The following ARB2A variants were observed in gnomAD, a reference collection of about 807,000 sequenced individuals.
The protein encoded by ARB2A is ARB2 cotranscriptional regulator A.
At chr5:93,896,107 T>A in the ARB2A span, among the ~76,000 whole-genome samples, 1 of 152,082 alleles carries the variant, frequency 6.6e-6, no homozygotes, top group Non-Finnish European at 1.5e-5. Flanking sequence ...AAGAAATCTA[T>A]GTCTAAGAAA....
chr5:94,050,654 C>A, the ARB2A span: 1 of 1,061,834 alleles, frequency 9.4e-7, no homozygotes, highest in Non-Finnish European at 1.4e-6. Context: ...AGTGCATAAA[C>A]TGCTGCATCT....
the ARB2A span, among the ~76,000 whole-genome samples, chr5:94,092,671 T>C: frequency 6.6e-6 from 1 of 152,232 alleles, no homozygotes; most frequent in South Asian, 2.1e-4. Context: ...ATATGGATTC[T>C]GTCCTAGATT....
the ARB2A span, among the ~76,000 whole-genome samples, chr5:93,856,860 G>A: frequency 2.0e-5 from 3 of 152,070 alleles, no homozygotes; most frequent in African/African-American, 7.2e-5. Context: ...GAGGTGCTCT[G>A]CTTTTTAGAG....
chr5:93,967,688 C>G, the ARB2A span, among the ~76,000 whole-genome samples: 168 of 152,150 alleles, frequency 1.1e-3, no homozygotes, highest in African/African-American at 3.9e-3. Flanking sequence ...AACTCTCCTG[C>G]AGGGGAAGGG....
At chr5:93,908,188 G>A in the ARB2A span, among the ~76,000 whole-genome samples, 1 of 150,902 alleles carries the variant, frequency 6.6e-6, no homozygotes, top group Non-Finnish European at 1.5e-5. Context: ...CTTTTAAATT[G>A]CATAAGAAAA....
the ARB2A span, among the ~76,000 whole-genome samples, chr5:93,951,847 A>C: frequency 6.6e-6 from 1 of 152,222 alleles, no homozygotes; most frequent in African/African-American, 2.4e-5. Flanking sequence ...GTACATACAA[A>C]AATTAAAAGA....
At chr5:93,921,571 C>G in the ARB2A span, among the ~76,000 whole-genome samples, 15 of 151,128 alleles carry the variant, frequency 9.9e-5, no homozygotes, top group Admixed American at 6.6e-4. Flanking sequence ...TTAATGCAGA[C>G]AAAAGTGCCC....
At chr5:93,914,412 G>A in the ARB2A span, among the ~76,000 whole-genome samples, 1 of 151,870 alleles carries the variant, frequency 6.6e-6, no homozygotes, top group Non-Finnish European at 1.5e-5. Flanking sequence ...GTTATATGCA[G>A]TTAAAATGTG....
the ARB2A span, among the ~76,000 whole-genome samples, chr5:93,835,868 T>C: frequency 6.6e-6 from 1 of 152,122 alleles, no homozygotes; most frequent in Non-Finnish European, 1.5e-5. Context: ...ATTTACAAAA[T>C]GAAATTCTTT....
chr5:93,995,804 G>T, the ARB2A span, among the ~76,000 whole-genome samples: 2 of 152,104 alleles, frequency 1.3e-5, no homozygotes, highest in Non-Finnish European at 2.9e-5. Context: ...CTCACGTTAC[G>T]TGTTCTTACC....
At chr5:93,706,184 T>A in the ARB2A span, among the ~76,000 whole-genome samples, 1 of 152,226 alleles carries the variant, frequency 6.6e-6, no homozygotes, top group Non-Finnish European at 1.5e-5. Flanking sequence ...AAATGTGGTG[T>A]ATCTATACAA....
chr5:93,965,803 C>T, the ARB2A span, among the ~76,000 whole-genome samples: 2 of 151,798 alleles, frequency 1.3e-5, no homozygotes, highest in Admixed American at 1.3e-4. Context: ...GTGCTGTATT[C>T]GTAATCTAAA....
the ARB2A span, among the ~76,000 whole-genome samples, chr5:94,016,029 ACT>A: frequency 6.6e-6 from 1 of 152,286 alleles, no homozygotes; most frequent in African/African-American, 2.4e-5. Flanking sequence ...CCAATTATAT[ACT>A]GTCTACAACA....
At chr5:94,099,909 T>C in the ARB2A span, among the ~76,000 whole-genome samples, 2,247 of 152,206 alleles carry the variant, frequency 0.015, 26 homozygotes, top group Admixed American at 0.021. Flanking sequence ...TCACCACATC[T>C]ATTCAACATA....
At chr5:93,931,740 A>T in the ARB2A span, among the ~76,000 whole-genome samples, 3 of 135,748 alleles carry the variant, frequency 2.2e-5, no homozygotes, top group African/African-American at 1.0e-4. Flanking sequence ...CAGTCAGATT[A>T]AAAAAAAAAA....
At chr5:94,091,578 G>A in the ARB2A span, among the ~76,000 whole-genome samples, 3 of 152,170 alleles carry the variant, frequency 2.0e-5, no homozygotes, top group East Asian at 1.9e-4. Context: ...ATGAAGAGTG[G>A]AAACTGAAGC....
chr5:93,806,342 GC>G, the ARB2A span, among the ~76,000 whole-genome samples: 1,217 of 151,804 alleles, frequency 8.0e-3, 11 homozygotes, highest in Middle Eastern at 0.034. Context: ...AACAGTTACA[GC>G]TTTTATAATT....
the ARB2A span, among the ~76,000 whole-genome samples, chr5:93,777,663 T>C: frequency 2.7e-4 from 41 of 152,208 alleles, no homozygotes; most frequent in African/African-American, 7.5e-4. Flanking sequence ...CAAGCATGTA[T>C]TGTGTATTTT....
At chr5:93,714,464 T>G in the ARB2A span, among the ~76,000 whole-genome samples, 1 of 152,322 alleles carries the variant, frequency 6.6e-6, no homozygotes, top group Middle Eastern at 3.4e-3. Context: ...TTACATGCAA[T>G]TTTTAAGCTC....
Sources: allele counts gnomAD v4.1 joint callset (sites outside exome capture counted in the v4.1 genomes callset), GRCh38; gene constraint gnomAD v4.1.1; transcripts MANE v1.5; gene names NCBI Gene and HGNC (gene_info 2026-07-23, HGNC 2026-07-21).